The following TENM4 variants were observed in gnomAD, a reference collection of about 807,000 sequenced individuals.
The protein encoded by TENM4 is teneurin transmembrane protein 4.
In TENM4, 82 loss-of-function variants were observed where a neutral mutation model predicts 243.3. That is an observed-to-expected ratio of 0.34 (90% CI 0.28 to 0.40). The LOEUF (loss-of-function observed/expected upper bound fraction) is 0.40. TENM4 is among the 10% of genes least tolerant of loss of function. TENM4 has a pLI of 1.00. For missense variants in TENM4, 3,138 were observed against 3,673.3 expected (o/e 0.85, Z 3.77); for synonymous variants, 1,412 against 1,456.3 (o/e 0.97, Z 0.69).
At position 79,025,445 on chromosome 11, in the gene TENM4, A is replaced by G. The variant is rs183526993; in HGVS notation, c.493+39293T>C. ...CGTGAAGTTTTGTAAACACTTCTGT[A>G]GGACAAGGATTATCATCTCAGTTTG... On this transcript the variant is annotated intron_variant, in intron 6 of 33. Coordinates refer to ENST00000278550, the MANE Select transcript of TENM4 (RefSeq NM_001098816.3). Among the ~76,000 whole-genome samples, 10 of 152,354 alleles carry G rather than the reference A, an allele frequency of 6.6e-5. 1 individual carries two copies. In the East Asian group the frequency reaches 1.9e-3, roughly 29 times the overall value.
At chr11:79,311,770 G>C (rs1856725849) in intron 1 of TENM4, among the ~76,000 whole-genome samples, 1 of 152,082 alleles carries the variant, frequency 6.6e-6, no homozygotes, top group South Asian at 2.1e-4. Context: ...CTACACCTTT[G>C]CTCATGCTCT....
At chr11:79,074,386 C>G (rs981459992) in intron 4 of TENM4, among the ~76,000 whole-genome samples, 4 of 152,174 alleles carry the variant, frequency 2.6e-5, no homozygotes, top group African/African-American at 9.7e-5. Context: ...AGGGGCCCAC[C>G]TCAGACCCTG....
intron 1 of TENM4, among the ~76,000 whole-genome samples, chr11:79,361,327 A>G (rs866482360): frequency 6.6e-6 from 1 of 152,208 alleles, no homozygotes; most frequent in Non-Finnish European, 1.5e-5. Flanking sequence ...TACCAGCCTC[A>G]AATACAGTTC....
chr11:78,802,216 T>C (rs1220438832), intron 15 of TENM4, among the ~76,000 whole-genome samples: 3 of 152,204 alleles, frequency 2.0e-5, no homozygotes, highest in Non-Finnish European at 4.4e-5. Context: ...GAAAGTGCCC[T>C]TGGAAGGGAG....
chr11:78,938,186 C>T (rs1565134730), intron 6 of TENM4, among the ~76,000 whole-genome samples: 1 of 152,340 alleles, frequency 6.6e-6, no homozygotes, highest in East Asian at 1.9e-4. Context: ...CTTCCTGCTG[C>T]AGCTTTAAAT....
chr11:78,687,703 C>T (rs1361888069), intron 29 of TENM4, among the ~76,000 whole-genome samples: 4 of 152,084 alleles, frequency 2.6e-5, no homozygotes, highest in South Asian at 4.1e-4. Flanking sequence ...CATAATTATG[C>T]GTAATTATTT....
At chr11:79,124,914 T>TGTGTG (rs1443107825) in intron 4 of TENM4, among the ~76,000 whole-genome samples, 1 of 150,108 alleles carries the variant, frequency 6.7e-6, no homozygotes, top group Admixed American at 6.7e-5. Flanking sequence ...TGTGTGTGTG[T>TGTGTG]GTGTGTGTAT....
chr11:79,163,044 T>C (rs978805485), intron 3 of TENM4, among the ~76,000 whole-genome samples: 9 of 152,180 alleles, frequency 5.9e-5, no homozygotes, highest in African/African-American at 2.2e-4. Flanking sequence ...CCCTAGACCT[T>C]GTCCCTGAGT....
At chr11:79,176,239 T>A (rs975072467) in intron 3 of TENM4, among the ~76,000 whole-genome samples, 8 of 152,188 alleles carry the variant, frequency 5.3e-5, no homozygotes, top group Non-Finnish European at 1.2e-4. Flanking sequence ...TGACTTCTGG[T>A]CTCATTAAAG....
chr11:78,832,259 G>C (rs1394876597), intron 12 of TENM4, among the ~76,000 whole-genome samples: 2 of 152,316 alleles, frequency 1.3e-5, no homozygotes, highest in East Asian at 3.9e-4. Context: ...TGACCCTCAT[G>C]GTTGGCTTTC....
intron 25 of TENM4, among the ~76,000 whole-genome samples, chr11:78,719,727 T>A (rs1859602513): frequency 6.6e-6 from 1 of 152,178 alleles, no homozygotes; most frequent in Non-Finnish European, 1.5e-5. Flanking sequence ...TAGTGACAGG[T>A]GATGCTGACA....
intron 12 of TENM4, among the ~76,000 whole-genome samples, chr11:78,836,987 C>T (rs991800396): frequency 2.6e-5 from 4 of 152,198 alleles, no homozygotes; most frequent in African/African-American, 9.7e-5. Context: ...AGATCCTTTT[C>T]TGGTCCTTTA....
Position 78,782,521 on chromosome 11 carries a change from C to T in TENM4, c.2366-3893G>A, listed in dbSNP as rs564425173. The stretch of plus-strand genomic sequence containing the variant: ...CTGAGGCAGGAGAATCACTTGAACC[C>T]GGGAGGCAGAGGTTGCGGTCAGCCG... On this transcript the variant is annotated intron_variant, in intron 16 of 33. Coordinates refer to ENST00000278550, the MANE Select transcript of TENM4 (RefSeq NM_001098816.3). 4.5e-3 allele frequency among the ~76,000 whole-genome samples: 683 copies of T among 152,152 alleles called. 4 individuals are homozygous for T. Among genetic ancestry groups the T allele is most frequent in the Non-Finnish European group, 6.8e-3 (461 of 67,988 alleles).
intron 1 of TENM4, among the ~76,000 whole-genome samples, chr11:79,424,633 C>CAA (rs58550229): frequency 0.18 from 24,769 of 133,982 alleles, 2,194 homozygotes; most frequent in Middle Eastern, 0.26. Flanking sequence ...ACCCTGTCTC[C>CAA]AAAAAAAAAA....
intron 18 of TENM4, among the ~76,000 whole-genome samples, chr11:78,767,958 T>G (rs1259852388): frequency 1.3e-5 from 2 of 152,226 alleles, no homozygotes; most frequent in Non-Finnish European, 2.9e-5. Context: ...GTAGATAGCA[T>G]GAGCCCTACA....
intron 6 of TENM4, among the ~76,000 whole-genome samples, chr11:78,984,506 C>T (rs1024292938): frequency 5.9e-5 from 9 of 152,248 alleles, no homozygotes; most frequent in South Asian, 2.1e-4. Context: ...TACTGTTATC[C>T]GCCCTGTTAC....
At chr11:79,186,540 C>T (rs143739688) in intron 3 of TENM4, among the ~76,000 whole-genome samples, 155 of 152,306 alleles carry the variant, frequency 1.0e-3, no homozygotes, top group African/African-American at 3.7e-3. Flanking sequence ...GCTAACTTTC[C>T]TCTTCTTACT....
chr11:78,944,985 GT>G (rs1412097208), intron 6 of TENM4, among the ~76,000 whole-genome samples: 2 of 152,150 alleles, frequency 1.3e-5, no homozygotes, highest in Admixed American at 6.5e-5. Context: ...TTATTTTCCT[GT>G]GATTTTCCAC....
chr11:78,901,936 T>C (rs1439387272), intron 7 of TENM4, among the ~76,000 whole-genome samples: 1 of 152,230 alleles, frequency 6.6e-6, no homozygotes, highest in Non-Finnish European at 1.5e-5. Flanking sequence ...ATGTTCATTT[T>C]CTCTTACTGG....
Sources: allele counts gnomAD v4.1 joint callset (sites outside exome capture counted in the v4.1 genomes callset), GRCh38; gene constraint gnomAD v4.1.1; transcripts MANE v1.5; gene names NCBI Gene and HGNC (gene_info 2026-07-23, HGNC 2026-07-21).